The following ZBED1 variants were observed in gnomAD, a reference collection of about 807,000 sequenced individuals.
ZBED1 encodes zinc finger BED-type containing 1.
A neutral mutation model predicts 49.7 loss-of-function variants in ZBED1; 19 were observed. That is an observed-to-expected ratio of 0.38 (90% CI 0.27 to 0.56). The LOEUF (loss-of-function observed/expected upper bound fraction) is 0.56. ZBED1 is among the 20% of genes least tolerant of loss of function. The probability of loss-of-function intolerance (pLI) is 0.70; values close to 1 mark genes in which losing one functional copy is unlikely to be tolerated. For missense variants in ZBED1, 806 were observed against 972.6 expected (o/e 0.83, Z 2.28); for synonymous variants, 439 against 440.3 (o/e 1.00, Z 0.04).
chrX:2,499,965 C>G (rs2045375206), intron 1 of ZBED1, among the ~76,000 whole-genome samples: 1 of 152,128 alleles, frequency 6.6e-6, no homozygotes, highest in Non-Finnish European at 1.5e-5. Context: ...ACTGCTTGAG[C>G]CCAGGAGTTC....
rs1172180260 is a variant in ZBED1 at position 2,490,062 on chromosome X, G to A, written c.658C>T (p.Leu220=). The change falls in exon 2 of 2, where the codon CTG becomes TTG. Residue 220 remains leucine (L), a synonymous_variant. Coordinates refer to ENST00000652001, the MANE Select transcript of ZBED1 (RefSeq NM_001171136.2). ...ATGGACAGGCAGTTGGGGGCGCCCAGGCCCAGGAAGTGGGCGGCCAGCGTG... is the reference window on the plus strand; with the variant it reads ...ATGGACAGGCAGTTGGGGGCGCCCAAGCCCAGGAAGTGGGCGGCCAGCGTG... ...YVTLAAHFLG[L]GAPNCLSMGS... The A allele has an allele frequency of 3.1e-6, 5 of 1,613,636 alleles. No homozygotes were observed. The highest frequency in any genetic ancestry group is 1.3e-5 in the African/African-American group (1 of 74,914).
intron 1 of ZBED1, among the ~76,000 whole-genome samples, chrX:2,496,929 T>C (rs1453404189): frequency 6.7e-6 from 1 of 149,650 alleles, no homozygotes; most frequent in African/African-American, 2.4e-5. Context: ...ATATATTACA[T>C]ACATTTTTGT....
In ZBED1 at chrX:2,490,046, C is replaced by T. The variant is rs368890122; in HGVS notation, c.674G>A (p.Cys225Tyr). The T allele has an allele frequency of 1.5e-5, 25 of 1,613,672 alleles. No homozygotes were observed. Among genetic ancestry groups the T allele is most frequent in the Non-Finnish European group, 2.0e-5 (24 of 1,179,878 alleles). Residue 225 changes from cysteine to tyrosine, a missense_variant, in exon 2 of 2, where the codon TGC (cysteine) becomes TAC (tyrosine). Coordinates refer to ENST00000652001, the MANE Select transcript of ZBED1 (RefSeq NM_001171136.2). ...CAGGCAGCGGGAGCCCATGGACAGG[C>T]AGTTGGGGGCGCCCAGGCCCAGGAA... ...AHFLGLGAPNCLSMGSRCLKT... is the reference protein window; with the variant it reads ...AHFLGLGAPNYLSMGSRCLKT...
chrX:2,499,143 A>T (rs2045350859), intron 1 of ZBED1, among the ~76,000 whole-genome samples: 1 of 152,112 alleles, frequency 6.6e-6, no homozygotes, highest in Admixed American at 6.5e-5. Context: ...CAGTGGGTGC[A>T]GAGTGGAAGT....
At chrX:2,496,592 T>C (rs1241987902) in intron 1 of ZBED1, among the ~76,000 whole-genome samples, 1 of 152,116 alleles carries the variant, frequency 6.6e-6, no homozygotes, top group Non-Finnish European at 1.5e-5. Context: ...AAAAACTTAC[T>C]CATGGAATCA....
chrX:2,491,792 C>A (rs1453049449), intron 1 of ZBED1, among the ~76,000 whole-genome samples: 2 of 152,188 alleles, frequency 1.3e-5, no homozygotes, highest in Admixed American at 1.3e-4. Flanking sequence ...CAGAAAGGCC[C>A]AACTGGGCAA....
chrX:2,497,996 C>T (rs1001020743), intron 1 of ZBED1, among the ~76,000 whole-genome samples: 1 of 152,158 alleles, frequency 6.6e-6, no homozygotes, highest in Admixed American at 6.5e-5. Flanking sequence ...GAGACAGACC[C>T]TCTTATGGGA....
chrX:2,499,158 A>T (rs56188357), intron 1 of ZBED1, among the ~76,000 whole-genome samples: 7,618 of 152,120 alleles, frequency 0.05, 620 homozygotes, highest in African/African-American at 0.17. Flanking sequence ...GGAAGTCAAA[A>T]GTCATTTCAC....
In ZBED1 at chrX:2,487,188, C is replaced by T. The variant is rs2081867813; in HGVS notation, c.*1447G>A. 1 of 152,180 alleles carries T rather than the reference C, an allele frequency of 6.6e-6. No individual in the cohort carries two copies. Among genetic ancestry groups the T allele is most frequent in the South Asian group, 2.1e-4 (1 of 4,824 alleles). The allele number at this position is 152,180 out of a possible 1,614,324, so 9.4% of individuals were successfully genotyped here. A position where few individuals can be genotyped will look rare whatever the true frequency, so the allele number is the denominator to read the frequency against. On this transcript the variant is annotated 3_prime_UTR_variant, in exon 2 of 2. Coordinates refer to ENST00000652001, the MANE Select transcript of ZBED1 (RefSeq NM_001171136.2). ...GGAATCCAGCCACGGAAAACCCCTC[C>T]GGGGGCAATATTTTAAAATTCATTT... is the stretch of plus-strand genomic sequence containing the variant.
intron 1 of ZBED1, among the ~76,000 whole-genome samples, chrX:2,495,136 CTAT>C (rs199925971): frequency 4.7e-5 from 7 of 149,550 alleles, no homozygotes; most frequent in African/African-American, 7.4e-5. Context: ...ATCATTATTA[CTAT>C]TATTATTATT....
chrX:2,497,192 T>A (rs5939505), intron 1 of ZBED1, among the ~76,000 whole-genome samples: 1 of 151,984 alleles, frequency 6.6e-6, no homozygotes, highest in Non-Finnish European at 1.5e-5. Context: ...GTCAGGAGTT[T>A]GAGACCAGCC....
In ZBED1 at chrX:2,489,853, G is replaced by A. The variant is rs750829336; in HGVS notation, c.867C>T (p.Pro289=). ...CSLLDVAVHM[P]CLGHTFNAGI... is the part of the protein sequence containing the mutation. Reference sequence around the variant, plus strand: ...CGGCATTGAAGGTGTGGCCCAGGCAGGGCATGTGCACTGCGACGTCCAGCA... The same window carrying A: ...CGGCATTGAAGGTGTGGCCCAGGCAAGGCATGTGCACTGCGACGTCCAGCA... The change falls in exon 2 of 2, where the codon CCC becomes CCT. Residue 289 remains proline, a synonymous_variant. Transcript: ENST00000652001. The A allele has an allele frequency of 6.2e-7, 1 of 1,613,636 alleles. No individual in the cohort carries two copies. Among genetic ancestry groups the A allele is most frequent in the Non-Finnish European group, 8.5e-7 (1 of 1,179,886 alleles).
chrX:2,490,612 C>G lies in ZBED1; in HGVS notation c.108G>C (p.Glu36Asp). The change falls in exon 2 of 2, where the codon GAG (glutamate) becomes GAC (aspartate). Residue 36 changes from glutamate to aspartate, a missense_variant. Glu to Asp is a conservative substitution (Grantham distance 45, BLOSUM62 2). Around this residue, in one of 2 missense-constraint regions of ZBED1, gnomAD observed 57 missense variants for 111.3 expected, o/e 0.51. Coordinates refer to ENST00000652001, the MANE Select transcript of ZBED1 (RefSeq NM_001171136.2). ...TTTTCTTCCACTGCAGGATGCATCC[C>G]TCGGCGTTGGTGTCGAAGCCGAAAT... ...WKYFGFDTNA[E>D]GCILQWKKIY... 2 of 1,613,968 alleles carry G rather than the reference C, an allele frequency of 1.2e-6. No individual in the cohort carries two copies. Among genetic ancestry groups the G allele is most frequent in the African/African-American group, 2.7e-5 (2 of 75,048 alleles).
chrX:2,490,486 G>C lies in ZBED1; in HGVS notation c.234C>G (p.Phe78Leu). Reference sequence around the variant, plus strand: ...GCATCTGCTCCGTGTTGCTCTTGACGAACTCGCAGAATTCCTCGGGGTGGT... The same window carrying C: ...GCATCTGCTCCGTGTTGCTCTTGACCAACTCGCAGAATTCCTCGGGGTGGT... ...EKNHPEEFCEFVKSNTEQMRE... is the reference protein window; with the variant it reads ...EKNHPEEFCELVKSNTEQMRE... Residue 78 changes from phenylalanine to leucine, a missense_variant, in exon 2 of 2, where the codon TTC becomes TTG. Phe to Leu is a conservative substitution (Grantham distance 22, BLOSUM62 0). Transcript: ENST00000652001. The C allele has an allele frequency of 6.2e-7, 1 of 1,613,990 alleles. No individual in the cohort carries two copies. Among genetic ancestry groups the C allele is most frequent in the Non-Finnish European group, 8.5e-7 (1 of 1,179,860 alleles).
At chrX:2,496,526 G>A (rs1157151355) in intron 1 of ZBED1, among the ~76,000 whole-genome samples, 2 of 152,062 alleles carry the variant, frequency 1.3e-5, no homozygotes, top group African/African-American at 2.4e-5. Flanking sequence ...AATGTCTTGC[G>A]TGCAGTGTAT....
At position 2,489,073 on chromosome X, in the gene ZBED1, G is replaced by T. The variant is rs752142180; in HGVS notation, c.1647C>A (p.Ala549=). 5 of 1,613,814 alleles carry T rather than the reference G, an allele frequency of 3.1e-6. No individual in the cohort carries two copies. The highest frequency in any genetic ancestry group is 3.4e-6 in the Non-Finnish European group (4 of 1,179,854). ...CGCCGCCTGTCTGGCAGAAGATCTCGGCCAGCATGTTGTTGATGACGCTGG... is the reference window on the plus strand; with the variant it reads ...CGCCGCCTGTCTGGCAGAAGATCTCTGCCAGCATGTTGTTGATGACGCTGG... The part of the protein sequence containing the change: ...PPASVINNML[A]EIFCQTGGVE... The change falls in exon 2 of 2, where the codon GCC becomes GCA. Residue 549 remains alanine, a synonymous_variant. Transcript: ENST00000652001.
At chrX:2,491,758 A>AT in intron 1 of ZBED1, among the ~76,000 whole-genome samples, 1 of 152,342 alleles carries the variant, frequency 6.6e-6, no homozygotes, top group South Asian at 2.1e-4. Flanking sequence ...CAAAATGCCC[A>AT]TTGTGTCCAG....
At chrX:2,491,895 TCA>T (rs1362374694) in intron 1 of ZBED1, among the ~76,000 whole-genome samples, 2 of 152,186 alleles carry the variant, frequency 1.3e-5, no homozygotes, top group Non-Finnish European at 2.9e-5. Flanking sequence ...GGTTGAATGC[TCA>T]CACATACAGG....
Position 2,489,974 on chromosome X carries a change from C to T in ZBED1, c.746G>A (p.Arg249Gln), listed in dbSNP as rs774613520. 6.8e-6 allele frequency: 11 copies of T among 1,613,770 alleles called. No individual in the cohort carries two copies. The highest frequency in any genetic ancestry group is 5.3e-5 in the African/African-American group (4 of 74,942). The change falls in exon 2 of 2, where the codon CGA (arginine) becomes CAA (glutamine). Residue 249 changes from arginine to glutamine, a missense_variant. Arg to Gln is a conservative substitution (Grantham distance 43, BLOSUM62 1). Around this residue, in one of 2 missense-constraint regions of ZBED1, gnomAD observed 749 missense variants for 861.3 expected, o/e 0.87. Transcript: ENST00000652001. Reference sequence around the variant, plus strand: ...CTCGATGAAGACCTCATAGAGCACTCGCGTGATGGTCTCCGCCGTGTTCTC... The same window carrying T: ...CTCGATGAAGACCTCATAGAGCACTTGCGTGATGGTCTCCGCCGTGTTCTC... ...PEENTAETITRVLYEVFIEWG... is the reference protein window; with the variant it reads ...PEENTAETITQVLYEVFIEWG...
Sources: allele counts gnomAD v4.1 joint callset (sites outside exome capture counted in the v4.1 genomes callset), GRCh38; gene constraint gnomAD v4.1.1; regional missense constraint gnomAD v4.1.1; transcripts MANE v1.5; gene names NCBI Gene and HGNC (gene_info 2026-07-23, HGNC 2026-07-21).